The following KDM2A variants were observed in gnomAD, a reference collection of about 807,000 sequenced individuals.
The protein encoded by KDM2A is lysine demethylase 2A, also known as lysine-specific demethylase 2A.
A neutral mutation model predicts 137.3 loss-of-function variants in KDM2A; 3 were observed. The observed-to-expected ratio is 0.02, with a 90% CI of 0.01 to 0.06. The LOEUF (loss-of-function observed/expected upper bound fraction) is 0.06, where lower values mean the gene tolerates loss of function less well. Ranked by LOEUF, KDM2A falls within the 10% of genes least tolerant of loss-of-function variation. The probability of loss-of-function intolerance (pLI) is 1.00; values close to 1 mark genes in which losing one functional copy is unlikely to be tolerated. For synonymous variants in KDM2A, 512 were observed against 541.5 expected (o/e 0.95, Z 0.76); for missense variants, 738 against 1,510.6 (o/e 0.49, Z 8.48).
chr11:67,223,133 A>C (rs1212656541), intron 10 of KDM2A, among the ~76,000 whole-genome samples: 2 of 151,126 alleles, frequency 1.3e-5, no homozygotes, highest in Non-Finnish European at 2.9e-5. Flanking sequence ...CGGAGGTTGC[A>C]GTGAGCCAAG....
chr11:67,221,298 G>A (rs1565411042), intron 10 of KDM2A, among the ~76,000 whole-genome samples: 1 of 152,196 alleles, frequency 6.6e-6, no homozygotes. Flanking sequence ...ATGAGCAGAT[G>A]TGGAGAAATG....
chr11:67,124,553 T>G (rs1295653892), intron 2 of KDM2A, among the ~76,000 whole-genome samples: 1 of 142,200 alleles, frequency 7.0e-6, no homozygotes, highest in Non-Finnish European at 1.5e-5. Flanking sequence ...CCTCAGATGA[T>G]CACCCACCTC....
At chr11:67,179,801 C>T (rs1232516366) in intron 2 of KDM2A, among the ~76,000 whole-genome samples, 1 of 152,190 alleles carries the variant, frequency 6.6e-6, no homozygotes, top group African/African-American at 2.4e-5. Flanking sequence ...TTAGTAGACC[C>T]TCTTTGGTCC....
In KDM2A at chr11:67,190,359, A is replaced by C. The variant is rs1019914837; in HGVS notation, c.307+8467A>C. Among the ~76,000 whole-genome samples the C allele has an allele frequency of 9.2e-5, 14 of 151,576 alleles. 2 individuals carry two copies. The highest frequency in any genetic ancestry group is 7.9e-4 in the Admixed American group (12 of 15,204). On this transcript the variant is annotated intron_variant, in intron 5 of 20. Coordinates refer to ENST00000529006, the MANE Select transcript of KDM2A (RefSeq NM_012308.3). The stretch of plus-strand genomic sequence containing the variant: ...TAGGAAGCAGAGGTTGCAGCGAGCC[A>C]AGATTGCACCACTGCACTCCAGCCT...
chr11:67,129,857 G>A (rs1590705091), intron 2 of KDM2A, among the ~76,000 whole-genome samples: 2 of 151,130 alleles, frequency 1.3e-5, no homozygotes, highest in African/African-American at 2.4e-5. Context: ...GTTGCTGTAC[G>A]CCGAGATCGT....
intron 18 of KDM2A, among the ~76,000 whole-genome samples, 190 bp downstream of exon 18, chr11:67,253,047 C>T (rs1277789242): frequency 2.6e-5 from 4 of 152,240 alleles, no homozygotes; most frequent in African/African-American, 9.6e-5. Context: ...GCACTCTGGA[C>T]TGGCAGGCCA....
chr11:67,194,810 C>T (rs537692202), intron 5 of KDM2A, among the ~76,000 whole-genome samples: 2 of 152,288 alleles, frequency 1.3e-5, no homozygotes, highest in African/African-American at 4.8e-5. Context: ...CCTGCTGTTG[C>T]AGCAGGGTTT....
intron 2 of KDM2A, among the ~76,000 whole-genome samples, chr11:67,168,191 G>A (rs1856789228): frequency 1.3e-5 from 2 of 152,048 alleles, no homozygotes; most frequent in Admixed American, 1.3e-4. Flanking sequence ...CCTAAAATTT[G>A]AAGAGATCAC....
intron 5 of KDM2A, among the ~76,000 whole-genome samples, chr11:67,190,220 G>A (rs956195864): frequency 6.6e-6 from 1 of 152,152 alleles, no homozygotes; most frequent in Non-Finnish European, 1.5e-5. Context: ...GACTAGCCTG[G>A]CCAATGTGAT....
At chr11:67,186,710 C>T (rs560216016) in intron 5 of KDM2A, among the ~76,000 whole-genome samples, 19 of 152,266 alleles carry the variant, frequency 1.2e-4, no homozygotes, top group Middle Eastern at 3.4e-3. Context: ...AAATCTAATA[C>T]TGAAACTTTG....
intron 12 of KDM2A, among the ~76,000 whole-genome samples, chr11:67,236,840 T>C (rs1858886028): frequency 6.6e-6 from 1 of 152,208 alleles, no homozygotes; most frequent in Non-Finnish European, 1.5e-5. Flanking sequence ...CTGCCTGCTC[T>C]GTGTCAGGAA....
intron 5 of KDM2A, chr11:67,196,100 C>T (rs191522892): frequency 1.0e-4 from 40 of 390,636 alleles, no homozygotes; most frequent in African/African-American, 7.1e-4. Flanking sequence ...ACATAATTGT[C>T]GGTCATAAAT....
At chr11:67,184,599 C>T (rs1051112145) in intron 5 of KDM2A, among the ~76,000 whole-genome samples, 1 of 152,150 alleles carries the variant, frequency 6.6e-6, no homozygotes, top group Non-Finnish European at 1.5e-5. Flanking sequence ...TGCACTCCAG[C>T]CTGGGTGACA....
chr11:67,199,610 A>G (rs1433664962), intron 5 of KDM2A, among the ~76,000 whole-genome samples: 3 of 152,200 alleles, frequency 2.0e-5, no homozygotes, highest in African/African-American at 7.2e-5. Flanking sequence ...AATTCTGTAA[A>G]GGCTGAGAGA....
intron 10 of KDM2A, among the ~76,000 whole-genome samples, chr11:67,227,123 A>C (rs962910312): frequency 6.6e-6 from 1 of 152,222 alleles, no homozygotes; most frequent in African/African-American, 2.4e-5. Context: ...TCTTTTGGGA[A>C]GAATGGAAAG....
rs896799268 is a variant in KDM2A, at chr11:67,245,611, T to C, written c.1833+153T>C. ...TTATTTTGTACCTTTTTTCCCCAGGTTTAGATAGAAGGTATCTAGTACTAA... is the reference window on the plus strand; with the variant it reads ...TTATTTTGTACCTTTTTTCCCCAGGCTTAGATAGAAGGTATCTAGTACTAA... On this transcript the variant is annotated intron_variant, in intron 14 of 20. Transcript: ENST00000529006. The surrounding 1 kb of genome is among the most constrained non-coding windows in gnomAD (Gnocchi z 4.1). 4.9e-6 allele frequency: 4 copies of C among 822,348 alleles called. No individual in the cohort carries two copies. Among genetic ancestry groups the C allele is most frequent in the Non-Finnish European group, 7.5e-6 (4 of 535,008 alleles). 50.9% of individuals were successfully genotyped at this position (822,348 alleles called of 1,614,324 possible).
intron 5 of KDM2A, among the ~76,000 whole-genome samples, chr11:67,194,701 G>C (rs1857437711): frequency 6.6e-6 from 1 of 152,202 alleles, no homozygotes; most frequent in African/African-American, 2.4e-5. Flanking sequence ...TAAACCACAA[G>C]CTAGACCATC....
At chr11:67,161,824 C>G (rs1021383332) in intron 2 of KDM2A, among the ~76,000 whole-genome samples, 1 of 152,118 alleles carries the variant, frequency 6.6e-6, no homozygotes, top group Non-Finnish European at 1.5e-5. Context: ...GTAGAGGTTT[C>G]TAGAACTATA....
chr11:67,211,585 G>A (rs1445683327), intron 6 of KDM2A, among the ~76,000 whole-genome samples: 1 of 111,826 alleles, frequency 8.9e-6, no homozygotes. Context: ...CTGCACTCCA[G>A]CCTGGGTGAC....
Sources: allele counts gnomAD v4.1 joint callset (sites outside exome capture counted in the v4.1 genomes callset), GRCh38; gene constraint gnomAD v4.1.1; non-coding constraint Gnocchi (gnomAD v3.1); transcripts MANE v1.5; gene names NCBI Gene and HGNC (gene_info 2026-07-23, HGNC 2026-07-21).